INPP4A: variants seen among roughly 807,000 people sequenced by gnomAD.
INPP4A encodes the protein inositol polyphosphate-4-phosphatase, type I, 107kD.
Under a neutral mutation model 119.8 loss-of-function variants are expected in INPP4A, and 33 were observed. The observed-to-expected ratio is 0.28, with a 90% CI of 0.21 to 0.37. The LOEUF is 0.37. Ranked by LOEUF, INPP4A falls within the 10% of genes least tolerant of loss-of-function variation. INPP4A has a pLI of 1.00. For synonymous variants in INPP4A, 496 were observed against 500.7 expected (o/e 0.99, Z 0.12); for missense variants, 956 against 1,289.9 (o/e 0.74, Z 3.97).
intron 3 of INPP4A, 81 bp downstream of exon 3, chr2:98,520,235 T>A: frequency 9.5e-7 from 1 of 1,056,738 alleles, no homozygotes; most frequent in Non-Finnish European, 1.4e-6. Flanking sequence ...TGCTGGCAGG[T>A]ACCCAATGAT....
rs1055342554 is a variant in INPP4A at position 98,587,970 on chromosome 2, C to T, written c.*362C>T. ...AATGCCTGCTTGCTCACTTACTTTT[C>T]TACAGAGTAACTCAAAAGTAACCAT... On this transcript the variant is annotated 3_prime_UTR_variant, in exon 25 of 25. Transcript: ENST00000409851. 1 of 231,470 alleles carries T rather than the reference C, an allele frequency of 4.3e-6. No individual in the cohort carries two copies. The highest frequency in any genetic ancestry group is 8.5e-6 in the Non-Finnish European group (1 of 117,712). The allele number at this position is 231,470 out of a possible 1,614,324, so 14.3% of individuals were successfully genotyped here.
chr2:98,527,937 C>G (rs1049492491), intron 4 of INPP4A, among the ~76,000 whole-genome samples: 1 of 152,112 alleles, frequency 6.6e-6, no homozygotes, highest in South Asian at 2.1e-4. Context: ...CCAGAGATCT[C>G]ACATTATATT....
At chr2:98,489,480 T>C (rs141034169) in intron 1 of INPP4A, among the ~76,000 whole-genome samples, 34 of 152,318 alleles carry the variant, frequency 2.2e-4, no homozygotes, top group South Asian at 4.1e-4. Flanking sequence ...TTCCCTGTCA[T>C]GTCAGATGAC....
chr2:98,505,131 A>G (rs1440028107), intron 1 of INPP4A, among the ~76,000 whole-genome samples: 1 of 152,246 alleles, frequency 6.6e-6, no homozygotes, highest in Non-Finnish European at 1.5e-5. Context: ...AACAAAACCA[A>G]AAGTTGGCTT....
At chr2:98,454,487 AG>A (rs952057906) in intron 1 of INPP4A, among the ~76,000 whole-genome samples, 3 of 152,084 alleles carry the variant, frequency 2.0e-5, no homozygotes, top group African/African-American at 7.2e-5. Flanking sequence ...GGCTCACAGG[AG>A]GGTGGTGGGG....
At chr2:98,548,370 G>A (rs1001492839) in intron 13 of INPP4A, among the ~76,000 whole-genome samples, 2 of 152,020 alleles carry the variant, frequency 1.3e-5, no homozygotes, top group Admixed American at 6.5e-5. Context: ...GGAAGAAGAC[G>A]CAGCTTCCTG....
In INPP4A at chr2:98,566,399, G is replaced by C. The variant is rs1202660552; in HGVS notation, c.2420+230G>C. 6.6e-6 allele frequency among the ~76,000 whole-genome samples: 1 copy of C among 152,160 alleles called. No individual in the cohort carries two copies. Among genetic ancestry groups the C allele is most frequent in the Non-Finnish European group, 1.5e-5 (1 of 68,020 alleles). On this transcript the variant is annotated intron_variant, in intron 21 of 24. Coordinates refer to ENST00000409851, the MANE Select transcript of INPP4A (RefSeq NM_001134225.2). This position sits in a 1 kb window ranked among gnomAD's most constrained non-coding sequence, Gnocchi z 4.2. Reference sequence around the variant, plus strand: ...GGACTCAGCTGGTGGGAGAGAGAGAGACATGGATGCAATGATGAAGACAGA... The same window carrying C: ...GGACTCAGCTGGTGGGAGAGAGAGACACATGGATGCAATGATGAAGACAGA...
At chr2:98,483,132 G>T (rs1678814745) in intron 1 of INPP4A, among the ~76,000 whole-genome samples, 2 of 152,164 alleles carry the variant, frequency 1.3e-5, no homozygotes, top group Admixed American at 1.3e-4. Context: ...AGTCCTTTAT[G>T]TGAAAAATGA....
In INPP4A at chr2:98,589,331, C is replaced by T; in HGVS notation, c.*1723C>T. On this transcript the variant is annotated 3_prime_UTR_variant, in exon 25 of 25. Coordinates refer to ENST00000409851, the MANE Select transcript of INPP4A (RefSeq NM_001134225.2). Reference sequence around the variant, plus strand: ...GTTTGTTTTCAATATGGCTGATTTACCCTTTCACCTCTCCACCATCTCATT... The same window carrying T: ...GTTTGTTTTCAATATGGCTGATTTATCCTTTCACCTCTCCACCATCTCATT... The T allele has an allele frequency of 5.4e-6, 1 of 185,614 alleles. No homozygotes were observed. The highest frequency in any genetic ancestry group is 8.8e-5 in the East Asian group (1 of 11,422). 11.5% of individuals were successfully genotyped at this position (185,614 alleles called of 1,614,324 possible).
At chr2:98,551,480 T>G (rs1203475118) in intron 13 of INPP4A, among the ~76,000 whole-genome samples, 1 of 152,168 alleles carries the variant, frequency 6.6e-6, no homozygotes, top group African/African-American at 2.4e-5. Flanking sequence ...TGGTGTTTCT[T>G]TCCGGGGTGC....
chr2:98,499,307 ATTTCCTCCCTG>A (rs1465072703), intron 1 of INPP4A, among the ~76,000 whole-genome samples: 1 of 152,104 alleles, frequency 6.6e-6, no homozygotes, highest in Admixed American at 6.5e-5. Flanking sequence ...TCAGATTTTG[ATTTCCTCCCTG>A]TTTCCTCCCC....
intron 4 of INPP4A, among the ~76,000 whole-genome samples, chr2:98,529,076 CAAAAAAAAA>C (rs200658332): frequency 1.1e-5 from 1 of 94,922 alleles, no homozygotes; most frequent in African/African-American, 4.1e-5. Flanking sequence ...GAGACTGTCT[CAAAAAAAAA>C]AAAAAAAAAA....
At chr2:98,559,340 T>G (rs982455560) in intron 16 of INPP4A, 123 bp from the exon 17 acceptor site, 1 of 1,108,410 alleles carries the variant, frequency 9.0e-7, no homozygotes, top group African/African-American at 1.6e-5. Flanking sequence ...CCCAGACCTC[T>G]TTTCTGTTTG....
At chr2:98,508,763 G>T (rs927771272) in intron 1 of INPP4A, among the ~76,000 whole-genome samples, 3 of 152,238 alleles carry the variant, frequency 2.0e-5, no homozygotes, top group African/African-American at 7.2e-5. Context: ...TGTTGTAGGA[G>T]AGAGAACCGC....
At chr2:98,472,145 G>A (rs937282281) in intron 1 of INPP4A, among the ~76,000 whole-genome samples, 2 of 152,200 alleles carry the variant, frequency 1.3e-5, no homozygotes, top group Admixed American at 1.3e-4. Flanking sequence ...TGCCTGCCGT[G>A]GAGCAGAAGT....
At chr2:98,545,927 T>C (rs566023571) in intron 11 of INPP4A, 42 bp from the exon 12 acceptor site, 3 of 1,392,374 alleles carry the variant, frequency 2.2e-6, no homozygotes, top group Non-Finnish European at 3.0e-6. Flanking sequence ...GAATGCAGCA[T>C]GTATGCTGAT....
At chr2:98,522,250 A>T (rs1386023963) in intron 4 of INPP4A, among the ~76,000 whole-genome samples, 2 of 150,648 alleles carry the variant, frequency 1.3e-5, no homozygotes, top group African/African-American at 4.9e-5. Flanking sequence ...TTGCACCATT[A>T]CACTCTAGCC....
intron 1 of INPP4A, among the ~76,000 whole-genome samples, chr2:98,456,594 C>T (rs1034015903): frequency 8.5e-5 from 13 of 152,270 alleles, no homozygotes; most frequent in Non-Finnish European, 1.8e-4. Context: ...CTGCCTCAGC[C>T]TCCCAAATTG....
chr2:98,501,820 T>G (rs1683174072), intron 1 of INPP4A, among the ~76,000 whole-genome samples: 1 of 152,228 alleles, frequency 6.6e-6, no homozygotes, highest in South Asian at 2.1e-4. Flanking sequence ...GGGCTCCAAC[T>G]CTACATCAGT....
Sources: allele counts gnomAD v4.1 joint callset (sites outside exome capture counted in the v4.1 genomes callset), GRCh38; gene constraint gnomAD v4.1.1; non-coding constraint Gnocchi (gnomAD v3.1); transcripts MANE v1.5; gene names NCBI Gene and HGNC (gene_info 2026-07-23, HGNC 2026-07-21).